The following ATG16L1 variants were observed in gnomAD, a reference collection of about 807,000 sequenced individuals.
ATG16L1 encodes the protein autophagy related 16 like 1, also known as autophagy-related protein 16-1.
Under a neutral mutation model 88.5 loss-of-function variants are expected in ATG16L1, and 37 were observed. That is an observed-to-expected ratio of 0.42 (90% confidence interval 0.32 to 0.55). The LOEUF (loss-of-function observed/expected upper bound fraction) is 0.55, where lower values mean the gene tolerates loss of function less well. ATG16L1 is among the 20% of genes least tolerant of loss of function. The probability of loss-of-function intolerance (pLI) is 0.13; values close to 1 mark genes in which losing one functional copy is unlikely to be tolerated. For synonymous variants in ATG16L1, 301 were observed against 281.0 expected (o/e 1.07, Z -0.71); for missense variants, 554 against 752.8 (o/e 0.74, Z 3.09).
chr2:233,275,795 C>T (rs769936542), intron 9 of ATG16L1: 1 of 519,258 alleles, frequency 1.9e-6, no homozygotes, highest in South Asian at 1.4e-5. Flanking sequence ...CCTCAACTCC[C>T]AGCAGCCCAT....
chr2:233,251,761 G>C lies in ATG16L1; in HGVS notation c.-67G>C. Reference sequence around the variant, plus strand: ...TTCCCGCTTCTGCTGGTTGCTTCATGCTGCAGGCTGCGGCCGTCAGCCCTC... The same window carrying C: ...TTCCCGCTTCTGCTGGTTGCTTCATCCTGCAGGCTGCGGCCGTCAGCCCTC... On this transcript the variant is annotated 5_prime_UTR_variant, in exon 1 of 18. The change abolishes an upstream ATG in the 5' untranslated region. Coordinates refer to ENST00000392017, the MANE Select transcript of ATG16L1 (RefSeq NM_030803.7). The C allele has an allele frequency of 7.0e-7, 1 of 1,426,784 alleles. No homozygotes were observed. Among genetic ancestry groups the C allele is most frequent in the South Asian group, 1.2e-5 (1 of 81,602 alleles). 88.4% of individuals were successfully genotyped at this position (1,426,784 alleles called of 1,614,324 possible).
chr2:233,268,955 T>G (rs1046716675), intron 5 of ATG16L1, among the ~76,000 whole-genome samples: 13 of 152,112 alleles, frequency 8.5e-5, no homozygotes, highest in Non-Finnish European at 4.4e-5. Context: ...ACATTAGGGG[T>G]CCTCCACCTA....
rs1415545591 is a variant in ATG16L1, at chr2:233,292,074, A to G, written c.1431-54A>G. 6 of 1,590,012 alleles carry G rather than the reference A, an allele frequency of 3.8e-6. No homozygotes were observed. In the African/African-American group the frequency reaches 8.1e-5, roughly 22 times the overall value. The stretch of plus-strand genomic sequence containing the variant: ...TGCCTTTTTTTTCCTCCACGGCATG[A>G]TGTGAAGTAGTTCTGGCCTACGTTA... On this transcript the variant is annotated intron_variant, in intron 14 of 17. Coordinates refer to ENST00000392017, the MANE Select transcript of ATG16L1 (RefSeq NM_030803.7).
At chr2:233,280,987 C>A in intron 10 of ATG16L1, 118 bp from the exon 11 acceptor site, 1 of 616,724 alleles carries the variant, frequency 1.6e-6, no homozygotes. Context: ...TGTAAAGGTA[C>A]AGGATAGCTA....
Position 233,255,325 on chromosome 2 carries a change from C to T in ATG16L1, c.116-777C>T, listed in dbSNP as rs183390174. Among the ~76,000 whole-genome samples the T allele has an allele frequency of 4.1e-3, 628 of 152,258 alleles. 1 individual carries two copies. Among genetic ancestry groups the T allele is most frequent in the Non-Finnish European group, 5.9e-3 (404 of 68,030 alleles). On this transcript the variant is annotated intron_variant, in intron 1 of 17. Transcript: ENST00000392017. ...TAATCTTGTGTTTTGAATTTCTGTA[C>T]TCTGTCTCCTGTCAAATTTATTATG...
intron 6 of ATG16L1, among the ~76,000 whole-genome samples, chr2:233,272,446 G>A (rs1360709559): frequency 6.6e-6 from 1 of 152,172 alleles, no homozygotes; most frequent in African/African-American, 2.4e-5. Flanking sequence ...ACTGGGTTAA[G>A]TTGGCTGTTG....
chr2:233,271,497 C>T (rs1394303964), intron 6 of ATG16L1, among the ~76,000 whole-genome samples: 3 of 152,194 alleles, frequency 2.0e-5, no homozygotes, highest in Non-Finnish European at 4.4e-5. Flanking sequence ...AGGCTGGTCT[C>T]GAACTCCTGA....
At chr2:233,267,412 T>C (rs1697679052) in intron 5 of ATG16L1, among the ~76,000 whole-genome samples, 1 of 152,118 alleles carries the variant, frequency 6.6e-6, no homozygotes, top group African/African-American at 2.4e-5. Flanking sequence ...TAACCGAAAA[T>C]AGGACACAAA....
intron 9 of ATG16L1, among the ~76,000 whole-genome samples, chr2:233,276,306 T>C (rs3792108): frequency 0.44 from 66,598 of 151,988 alleles, 15,286 homozygotes; most frequent in Non-Finnish European, 0.52. Flanking sequence ...TTCTAGTCTT[T>C]CTTTTCCTTC....
chr2:233,286,716 C>A (rs1699113413), intron 12 of ATG16L1, among the ~76,000 whole-genome samples: 1 of 150,250 alleles, frequency 6.7e-6, no homozygotes, highest in African/African-American at 2.5e-5. Flanking sequence ...AGCTCTGCCT[C>A]CTGGGTTCAC....
chr2:233,283,968 C>A (rs1184489007), intron 12 of ATG16L1, among the ~76,000 whole-genome samples: 4 of 151,908 alleles, frequency 2.6e-5, no homozygotes, highest in Non-Finnish European at 5.9e-5. Context: ...CCTCAGCCTC[C>A]CGAGTAGCTG....
At chr2:233,271,553 C>T (rs1280521696) in intron 6 of ATG16L1, among the ~76,000 whole-genome samples, 5 of 152,244 alleles carry the variant, frequency 3.3e-5, no homozygotes, top group African/African-American at 9.6e-5. Flanking sequence ...GCTGAAATTA[C>T]AGGCATGAGC....
intron 12 of ATG16L1, among the ~76,000 whole-genome samples, chr2:233,286,700 G>A (rs1197868775): frequency 2.8e-5 from 4 of 141,672 alleles, no homozygotes; most frequent in Non-Finnish European, 4.5e-5. Context: ...ATCTCTGCTC[G>A]CTGCAAGCTC....
At chr2:233,276,550 G>A (rs1192656593) in intron 9 of ATG16L1, among the ~76,000 whole-genome samples, 1 of 152,198 alleles carries the variant, frequency 6.6e-6, no homozygotes, top group Non-Finnish European at 1.5e-5. Flanking sequence ...TCTCAGCTCA[G>A]TGCAGTCTCA....
chr2:233,269,977 GC>G (rs1697874817), intron 5 of ATG16L1, 24 bp from the exon 6 acceptor site: 1 of 1,471,000 alleles, frequency 6.8e-7, no homozygotes, highest in Admixed American at 2.2e-5. Flanking sequence ...TAAATGGTGG[GC>G]TTTTTTTTTT....
chr2:233,269,482 C>T (rs527861313), intron 5 of ATG16L1, among the ~76,000 whole-genome samples: 99 of 152,252 alleles, frequency 6.5e-4, no homozygotes, highest in African/African-American at 2.2e-3. Flanking sequence ...TTCAGATTTC[C>T]GATTTACCAT....
chr2:233,283,816 C>T (rs890728805), intron 12 of ATG16L1, among the ~76,000 whole-genome samples: 1 of 151,862 alleles, frequency 6.6e-6, no homozygotes, highest in African/African-American at 2.4e-5. Context: ...GGATTACAGG[C>T]GTGAGCCACT....
intron 5 of ATG16L1, 70 bp from the exon 6 acceptor site, chr2:233,269,932 A>G: frequency 6.7e-7 from 1 of 1,498,460 alleles, no homozygotes; most frequent in Non-Finnish European, 8.9e-7. Flanking sequence ...GGTGGCTTCT[A>G]GAGAGCCCAA....
intron 7 of ATG16L1, 140 bp downstream of exon 7, chr2:233,273,192 C>T (rs1698109537): frequency 1.5e-6 from 1 of 648,160 alleles, no homozygotes; most frequent in African/African-American, 1.8e-5. Context: ...GAACACACCA[C>T]AGAGGTGTCC....
Sources: allele counts gnomAD v4.1 joint callset (sites outside exome capture counted in the v4.1 genomes callset), GRCh38; gene constraint gnomAD v4.1.1; transcripts MANE v1.5; gene names NCBI Gene and HGNC (gene_info 2026-07-23, HGNC 2026-07-21).